The following FLRT1 variants were observed in gnomAD, a reference collection of about 807,000 sequenced individuals.
FLRT1 encodes the protein leucine-rich repeat transmembrane protein FLRT1.
Under a neutral mutation model 30.9 loss-of-function variants are expected in FLRT1, and 14 were observed. The observed-to-expected ratio is 0.45, with a 90% confidence interval of 0.30 to 0.71. FLRT1 has a LOEUF of 0.71. Ranked by LOEUF, FLRT1 falls within the 30% of genes least tolerant of loss-of-function variation. The pLI is 0.08. For missense variants in FLRT1, 737 were observed against 949.2 expected, an observed-to-expected ratio of 0.78 and a Z score of 2.94; for synonymous variants, 368 against 430.4, an observed-to-expected ratio of 0.85 and a Z score of 1.80.
In FLRT1 at chr11:64,039,968, C is replaced by T. The variant is rs78989042; in HGVS notation, c.-1038+3809C>T. Reference sequence around the variant, plus strand: ...CTGGCCCACCAGTGCTCCTCTGGCACGCCTGGCTCCCTGGCTCTTCTGTTT... The same window carrying T: ...CTGGCCCACCAGTGCTCCTCTGGCATGCCTGGCTCCCTGGCTCTTCTGTTT... On this transcript the variant is annotated intron_variant, in intron 1 of 2. Transcript: ENST00000682287. Among the ~76,000 whole-genome samples the T allele has an allele frequency of 4.0e-3, 616 of 152,362 alleles. 2 individuals carry two copies. The highest frequency in any genetic ancestry group is 6.8e-3 in the Non-Finnish European group (466 of 68,036).
At position 64,117,167 on chromosome 11, in the gene FLRT1, C is replaced by T. The variant is rs967595384; in HGVS notation, c.900C>T (p.Asp300=). 3.7e-6 allele frequency: 6 copies of T among 1,613,860 alleles called. No homozygotes were observed. The highest frequency in any genetic ancestry group is 5.1e-6 in the Non-Finnish European group (6 of 1,180,014). ...AGATGCGTGAGCTGGAGCGGCTGGA[C>T]CTGTCCAACAACAACCTGACCACGC... The part of the protein sequence containing the change: ...LAKMRELERL[D]LSNNNLTTLP... The change falls in exon 3 of 3, where the codon GAC becomes GAT. Residue 300 remains aspartate, a synonymous_variant. Coordinates refer to ENST00000682287, the MANE Select transcript of FLRT1 (RefSeq NM_013280.5).
chr11:64,087,418 C>T (rs568910647), intron 1 of FLRT1, among the ~76,000 whole-genome samples: 16 of 152,302 alleles, frequency 1.1e-4, no homozygotes, highest in East Asian at 3.9e-4. Context: ...GAGGAGACTC[C>T]GGGGTGCGTC....
In FLRT1 at chr11:64,082,608, C is replaced by T. The variant is rs373032816; in HGVS notation, c.-1037-20586C>T. 4.6e-5 allele frequency among the ~76,000 whole-genome samples: 7 copies of T among 152,090 alleles called. No homozygotes were observed. Among genetic ancestry groups the T allele is most frequent in the Non-Finnish European group, 7.4e-5 (5 of 67,986 alleles). On this transcript the variant is annotated intron_variant, in intron 1 of 2. Transcript: ENST00000682287. This position sits in a 1 kb window ranked among gnomAD's most constrained non-coding sequence, Gnocchi z 4.5. ...AGCTTAGGGGTCCCTGGGCTGAAGA[C>T]GGAACCTCTGAGTGCAGGCACCAGG...
intron 1 of FLRT1, among the ~76,000 whole-genome samples, chr11:64,054,112 CCT>C (rs1404829844): frequency 6.6e-6 from 1 of 152,192 alleles, no homozygotes; most frequent in Non-Finnish European, 1.5e-5. Flanking sequence ...CTCCACAGCC[CCT>C]GAGTTCTACC....
chr11:64,039,832 C>T (rs1943451786), intron 1 of FLRT1, among the ~76,000 whole-genome samples: 1 of 152,164 alleles, frequency 6.6e-6, no homozygotes, highest in African/African-American at 2.4e-5. Context: ...TTCCTGCAGC[C>T]CTGGGTTTTA....
rs570747182 is a variant in FLRT1, at chr11:64,112,145, C to T, written c.-49-4074C>T. Among the ~76,000 whole-genome samples the T allele has an allele frequency of 5.3e-5, 8 of 152,306 alleles. No homozygotes were observed. In the East Asian group the frequency reaches 9.6e-4, roughly 18 times the overall value. Reference sequence around the variant, plus strand: ...TGAAATCTTTAGTGAGCATCTGCCACGTGGGAAACACTATGAATAAGATGC... The same window carrying T: ...TGAAATCTTTAGTGAGCATCTGCCATGTGGGAAACACTATGAATAAGATGC... On this transcript the variant is annotated intron_variant, in intron 2 of 2. Transcript: ENST00000682287.
rs899326670 is a variant in FLRT1 at position 64,048,675 on chromosome 11, A to G, written c.-1038+12516A>G. Among the ~76,000 whole-genome samples, 9 of 141,854 alleles carry G rather than the reference A, an allele frequency of 6.3e-5. No homozygotes were observed. The South Asian group carries it at 1.5e-3, about 23-fold the overall frequency. 93.1% of individuals were successfully genotyped at this position (141,854 alleles called of 152,430 possible). ...CACCGATTCCTTAAAGCAGCCCTACAAAGTGCCTGCAGTTTTTGCTCCATT... is the reference window on the plus strand; with the variant it reads ...CACCGATTCCTTAAAGCAGCCCTACGAAGTGCCTGCAGTTTTTGCTCCATT... On this transcript the variant is annotated intron_variant, in intron 1 of 2. Coordinates refer to ENST00000682287, the MANE Select transcript of FLRT1 (RefSeq NM_013280.5).
At chr11:64,093,193 T>A (rs1377829736) in intron 1 of FLRT1, among the ~76,000 whole-genome samples, 2 of 152,224 alleles carry the variant, frequency 1.3e-5, no homozygotes, top group Non-Finnish European at 2.9e-5. Flanking sequence ...GAATAGTGTC[T>A]GCCTCGGACA....
At chr11:64,070,364 C>T (rs1158159385) in intron 1 of FLRT1, among the ~76,000 whole-genome samples, 3 of 152,142 alleles carry the variant, frequency 2.0e-5, no homozygotes, top group Non-Finnish European at 4.4e-5. Context: ...ATCCTCCTGG[C>T]CCTTCTGAGC....
rs1156470852 is a variant in FLRT1, at chr11:64,037,719, G to C, written c.-1038+1560G>C. Among the ~76,000 whole-genome samples the C allele has an allele frequency of 2.0e-5, 3 of 152,126 alleles. No homozygotes were observed. In the East Asian group the frequency reaches 5.8e-4, roughly 29 times the overall value. On this transcript the variant is annotated intron_variant, in intron 1 of 2. Coordinates refer to ENST00000682287, the MANE Select transcript of FLRT1 (RefSeq NM_013280.5). Reference sequence around the variant, plus strand: ...GAGACTGGATACTCTTCAGTAAAAAGCACCCTGACCCCAGCATGGAGGCTC... The same window carrying C: ...GAGACTGGATACTCTTCAGTAAAAACCACCCTGACCCCAGCATGGAGGCTC...
chr11:64,077,696 A>G (rs1316993306), intron 1 of FLRT1, among the ~76,000 whole-genome samples: 2 of 152,138 alleles, frequency 1.3e-5, no homozygotes, highest in Admixed American at 6.5e-5. Context: ...GTTGTCTGGG[A>G]GCATCAGCAT....
At chr11:64,098,919 C>G (rs920325923) in intron 1 of FLRT1, among the ~76,000 whole-genome samples, 2 of 152,116 alleles carry the variant, frequency 1.3e-5, no homozygotes, top group Admixed American at 1.3e-4. Context: ...CCCAAAGAGC[C>G]AAAGGTTGAA....
intron 1 of FLRT1, among the ~76,000 whole-genome samples, chr11:64,100,429 T>C (rs190475074): frequency 5.3e-5 from 8 of 152,332 alleles, no homozygotes; most frequent in African/African-American, 1.9e-4. Context: ...AAATGGTTTA[T>C]TGGTTTTGAG....
intron 1 of FLRT1, among the ~76,000 whole-genome samples, chr11:64,089,130 G>T (rs545079401): frequency 6.6e-6 from 1 of 152,326 alleles, no homozygotes; most frequent in Admixed American, 6.5e-5. Flanking sequence ...AGGAGCCCAG[G>T]AGCCCGCTGG....
At chr11:64,084,912 C>G (rs1300388252) in intron 1 of FLRT1, among the ~76,000 whole-genome samples, 1 of 152,232 alleles carries the variant, frequency 6.6e-6, no homozygotes, top group African/African-American at 2.4e-5. Flanking sequence ...TCCCCCTGCT[C>G]CCTCCAGCCA....
At chr11:64,113,592 T>C (rs550646798) in intron 2 of FLRT1, among the ~76,000 whole-genome samples, 1 of 125,340 alleles carries the variant, frequency 8.0e-6, no homozygotes, top group Non-Finnish European at 1.6e-5. Context: ...CATGGATGGA[T>C]GGATGGTTAG....
In FLRT1 at chr11:64,103,849, C is replaced by T. The variant is rs1378701051; in HGVS notation, c.-382C>T. 6 of 152,296 alleles carry T rather than the reference C, an allele frequency of 3.9e-5. No homozygotes were observed. The East Asian group carries it at 7.6e-4, about 19-fold the overall frequency. The allele number at this position is 152,296 out of a possible 1,614,324, so 9.4% of individuals were successfully genotyped here. ...GTACCCCTTGCACACAGGACCCTCA[C>T]TCTGCAGGGATAAGCCAGCTGCGCC... On this transcript the variant is annotated 5_prime_UTR_variant, in exon 2 of 3. Coordinates refer to ENST00000682287, the MANE Select transcript of FLRT1 (RefSeq NM_013280.5).
At chr11:64,114,637 G>A (rs1187087256) in intron 2 of FLRT1, among the ~76,000 whole-genome samples, 1 of 151,828 alleles carries the variant, frequency 6.6e-6, no homozygotes, top group African/African-American at 2.4e-5. Context: ...GTGCATGCAT[G>A]AATGGATGGA....
At chr11:64,069,648 T>G (rs1565218407) in intron 1 of FLRT1, among the ~76,000 whole-genome samples, 2 of 151,866 alleles carry the variant, frequency 1.3e-5, no homozygotes, top group Non-Finnish European at 2.9e-5. Context: ...ATCCTGGGCA[T>G]GGGGAGGCAG....
Sources: allele counts gnomAD v4.1 joint callset (sites outside exome capture counted in the v4.1 genomes callset), GRCh38; gene constraint gnomAD v4.1.1; non-coding constraint Gnocchi (gnomAD v3.1); transcripts MANE v1.5; gene names NCBI Gene and HGNC (gene_info 2026-07-23, HGNC 2026-07-21).